The following ABLIM1 variants were observed in gnomAD, a reference collection of about 807,000 sequenced individuals.
ABLIM1 encodes the protein actin-binding LIM protein 1.
Under a neutral mutation model 107.0 loss-of-function variants are expected in ABLIM1, and 40 were observed. The ratio of observed to expected loss-of-function variants is 0.37; its 90% CI spans 0.29 to 0.49. The LOEUF is 0.49. ABLIM1 is among the 20% of genes least tolerant of loss of function. ABLIM1 has a pLI of 0.97. For missense variants in ABLIM1, 857 were observed against 1,008.5 expected (o/e 0.85, Z 2.04); for synonymous variants, 357 against 357.3 (o/e 1.00, Z 0.01).
At chr10:114,676,369 C>T (rs1446360948) in intron 1 of ABLIM1, among the ~76,000 whole-genome samples, 1 of 151,852 alleles carries the variant, frequency 6.6e-6, no homozygotes, top group Non-Finnish European at 1.5e-5. Context: ...CCCAGCTACT[C>T]GGGAGGCTGA....
intron 6 of ABLIM1, among the ~76,000 whole-genome samples, chr10:114,501,717 G>T (rs191941491): frequency 1.4e-3 from 220 of 152,232 alleles, no homozygotes; most frequent in African/African-American, 5.1e-3. Flanking sequence ...CTGAAAAATT[G>T]GGTGGAACCT....
intron 1 of ABLIM1, among the ~76,000 whole-genome samples, chr10:114,737,850 T>G (rs1355456338): frequency 6.6e-6 from 1 of 152,124 alleles, no homozygotes; most frequent in Non-Finnish European, 1.5e-5. Context: ...CCAGCATCAG[T>G]TCAGCCTCAG....
At chr10:114,525,835 C>G (rs2064626464) in intron 6 of ABLIM1, among the ~76,000 whole-genome samples, 1 of 152,122 alleles carries the variant, frequency 6.6e-6, no homozygotes, top group Admixed American at 6.5e-5. Flanking sequence ...CTCACGTTTT[C>G]TTTTTTTCTT....
chr10:114,613,816 G>T, intron 1 of ABLIM1: 1 of 1,145,112 alleles, frequency 8.7e-7, no homozygotes, highest in Admixed American at 2.5e-5. Flanking sequence ...CTGAACTTCA[G>T]GCTCCTTCAA....
Position 114,601,939 on chromosome 10 carries a change from GTGAGGGTCC to G in ABLIM1, c.258_266del (p.Gln86_Pro88del), listed in dbSNP as rs767755442. ...GAATGACAGGCTTCTCTGATGGGTG[GTGAGGGTCC>G]TGAGGGTGGGCCACTGAAAGAAAAT... On this transcript the variant is annotated inframe_deletion, in exon 2 of 23. Transcript: ENST00000533213. 2.5e-6 allele frequency: 4 copies of G among 1,614,086 alleles called. No homozygotes were observed. The African/African-American group carries it at 5.3e-5, about 22-fold the overall frequency.
chr10:114,582,091 T>C (rs774492109), intron 2 of ABLIM1, among the ~76,000 whole-genome samples: 4 of 152,294 alleles, frequency 2.6e-5, no homozygotes, highest in Non-Finnish European at 4.4e-5. Context: ...TCTTTGCCGA[T>C]GATATGATTC....
intron 1 of ABLIM1, chr10:114,632,843 C>T (rs1277630743): frequency 1.8e-5 from 17 of 951,896 alleles, no homozygotes; most frequent in East Asian, 1.2e-4. Flanking sequence ...TCATCTAGTT[C>T]GGTCCACCAC....
intron 6 of ABLIM1, among the ~76,000 whole-genome samples, chr10:114,534,814 G>A (rs1051159918): frequency 2.6e-5 from 4 of 152,154 alleles, no homozygotes; most frequent in Non-Finnish European, 2.9e-5. Flanking sequence ...AAGATAAATA[G>A]AAATTCTTTT....
chr10:114,459,552 CAT>C, intron 12 of ABLIM1, among the ~76,000 whole-genome samples: 1 of 134,366 alleles, frequency 7.4e-6, no homozygotes, highest in East Asian at 2.1e-4. Flanking sequence ...ATCTCCACCA[CAT>C]ATCTTTTTTT....
At chr10:114,733,199 T>C (rs2082111867) in intron 1 of ABLIM1, among the ~76,000 whole-genome samples, 1 of 152,116 alleles carries the variant, frequency 6.6e-6, no homozygotes, top group South Asian at 2.1e-4. Flanking sequence ...AGGTACAGTG[T>C]GAATCAGGTA....
chr10:114,770,978 G>A (rs1038986389), upstream of ABLIM1, among the ~76,000 whole-genome samples: 5 of 152,032 alleles, frequency 3.3e-5, no homozygotes, highest in African/African-American at 1.2e-4. Context: ...TCACAGGCAC[G>A]TGCCACCACA....
upstream of ABLIM1, among the ~76,000 whole-genome samples, chr10:114,660,762 T>C (rs921253406): frequency 1.3e-5 from 2 of 152,190 alleles, no homozygotes; most frequent in Non-Finnish European, 2.9e-5. Context: ...TATAGATGTG[T>C]TTATATAGAG....
chr10:114,749,762 C>A (rs1269931066), intron 1 of ABLIM1, among the ~76,000 whole-genome samples: 2 of 152,214 alleles, frequency 1.3e-5, no homozygotes, highest in Admixed American at 6.5e-5. Context: ...ACACTCCAAG[C>A]ACATTCCCAA....
chr10:114,533,684 T>G (rs1254307521), intron 6 of ABLIM1, among the ~76,000 whole-genome samples: 4 of 152,160 alleles, frequency 2.6e-5, no homozygotes, highest in African/African-American at 9.7e-5. Context: ...GTTGTTGTTT[T>G]GAGACAGAGT....
At chr10:114,742,019 C>G (rs1413022077) in intron 1 of ABLIM1, among the ~76,000 whole-genome samples, 1 of 152,116 alleles carries the variant, frequency 6.6e-6, no homozygotes, top group African/African-American at 2.4e-5. Flanking sequence ...GAATAATTAC[C>G]TTTTTGTCAA....
chr10:114,516,243 G>A (rs150868172), intron 6 of ABLIM1, among the ~76,000 whole-genome samples: 149 of 152,258 alleles, frequency 9.8e-4, no homozygotes, highest in African/African-American at 3.0e-3. Context: ...ATGTTTTGCG[G>A]CCAGGTGTGG....
chr10:114,477,762 C>T (rs907006925), intron 8 of ABLIM1, among the ~76,000 whole-genome samples: 27 of 151,894 alleles, frequency 1.8e-4, no homozygotes, highest in Admixed American at 1.4e-3. Flanking sequence ...CTCACTCTGT[C>T]GCCCAGCCTG....
chr10:114,717,824 G>C (rs2081707578), intron 1 of ABLIM1, among the ~76,000 whole-genome samples: 1 of 150,602 alleles, frequency 6.6e-6, no homozygotes, highest in Non-Finnish European at 1.5e-5. Context: ...GAGGCAGGAG[G>C]ATCGCTTAAG....
chr10:114,539,065 A>G (rs1458095663), intron 6 of ABLIM1, among the ~76,000 whole-genome samples: 1 of 152,220 alleles, frequency 6.6e-6, no homozygotes, highest in East Asian at 1.9e-4. Context: ...ATCTAATCCA[A>G]AGAGGTATGG....
Sources: allele counts gnomAD v4.1 joint callset (sites outside exome capture counted in the v4.1 genomes callset), GRCh38; gene constraint gnomAD v4.1.1; transcripts MANE v1.5; gene names NCBI Gene and HGNC (gene_info 2026-07-23, HGNC 2026-07-21).